The following UNC79 variants were observed in gnomAD, a reference collection of about 807,000 sequenced individuals.
UNC79 encodes the protein protein unc-79 homolog.
Under a neutral mutation model 283.1 loss-of-function variants are expected in UNC79, and 37 were observed. That is an observed-to-expected ratio of 0.13 (90% CI 0.10 to 0.17). UNC79 has a LOEUF of 0.17. Among genes scored for constraint, UNC79 ranks in the 10% least tolerant of loss-of-function variants. The pLI is 1.00. For missense variants in UNC79, 2,272 were observed against 3,211.1 expected, an observed-to-expected ratio of 0.71 and a Z score of 7.07; for synonymous variants, 1,107 against 1,200.2, an observed-to-expected ratio of 0.92 and a Z score of 1.61.
chr14:93,445,190 A>C (rs2056427681), intron 1 of UNC79, among the ~76,000 whole-genome samples: 1 of 152,218 alleles, frequency 6.6e-6, no homozygotes, highest in African/African-American at 2.4e-5. Context: ...AGTAGTTTAA[A>C]AAAAGAAAAA....
At chr14:93,660,563 A>ATGTGTGTGTGTG (rs1555394962) in intron 39 of UNC79, among the ~76,000 whole-genome samples, 26 of 64,768 alleles carry the variant, frequency 4.0e-4, no homozygotes, top group African/African-American at 5.7e-4. Flanking sequence ...ATATATATAT[A>ATGTGTGTGTGTG]TGTGTGTGTG....
chr14:93,655,735 T>C (rs2070865251), intron 38 of UNC79, among the ~76,000 whole-genome samples: 1 of 151,344 alleles, frequency 6.6e-6, no homozygotes, highest in Non-Finnish European at 1.5e-5. Context: ...ATTAAATAAG[T>C]AAGTAAATAG....
chr14:93,573,799 G>T (rs1339764292), intron 16 of UNC79, among the ~76,000 whole-genome samples: 1 of 152,220 alleles, frequency 6.6e-6, no homozygotes, highest in African/African-American at 2.4e-5. Context: ...TTGCTCAGGA[G>T]TTCAAGACCA....
At position 93,688,967 on chromosome 14, in the gene UNC79, A is replaced by G; in HGVS notation, c.7085+127A>G. The G allele has an allele frequency of 9.3e-7, 1 of 1,075,608 alleles. No individual in the cohort carries two copies. The highest frequency in any genetic ancestry group is 2.3e-5 in the South Asian group (1 of 43,522). The allele number at this position is 1,075,608 out of a possible 1,614,324, so 66.6% of individuals were successfully genotyped here. On this transcript the variant is annotated intron_variant, in intron 44 of 48. Transcript: ENST00000555664. The surrounding 1 kb of genome is among the most constrained non-coding windows in gnomAD (Gnocchi z 4.0). ...GACAGTGGAATATACTTGGTTAGGA[A>G]GATGGAAATCAGATCCCATCTCCTT...
intron 1 of UNC79, chr14:93,347,275 C>G: frequency 1.2e-6 from 2 of 1,604,610 alleles, no homozygotes; most frequent in Middle Eastern, 1.7e-4. Context: ...CGATATGCCT[C>G]TCCTGCGTGG....
chr14:93,354,351 TAGG>T (rs1167003326), intron 1 of UNC79, among the ~76,000 whole-genome samples: 1 of 152,228 alleles, frequency 6.6e-6, no homozygotes, highest in Non-Finnish European at 1.5e-5. Context: ...ATCTGAAACT[TAGG>T]AGTGCTGACA....
intron 11 of UNC79, 61 bp downstream of exon 11, chr14:93,532,639 T>G: frequency 1.3e-6 from 2 of 1,596,392 alleles, no homozygotes; most frequent in Non-Finnish European, 1.7e-6. Flanking sequence ...GTAAATTCAT[T>G]TATTGACATC....
intron 47 of UNC79, among the ~76,000 whole-genome samples, chr14:93,700,217 G>A (rs999726042): frequency 1.3e-5 from 2 of 151,800 alleles, no homozygotes; most frequent in Admixed American, 1.3e-4. Flanking sequence ...TGCCACTATG[G>A]TTAAGCAATT....
intron 41 of UNC79, among the ~76,000 whole-genome samples, chr14:93,674,299 G>A (rs1208346426): frequency 6.6e-6 from 1 of 152,160 alleles, no homozygotes; most frequent in Non-Finnish European, 1.5e-5. Context: ...TGGGATTAGG[G>A]TTCAGCATAG....
intron 41 of UNC79, among the ~76,000 whole-genome samples, chr14:93,681,045 A>G (rs1193564665): frequency 6.6e-6 from 1 of 152,240 alleles, no homozygotes; most frequent in Non-Finnish European, 1.5e-5. Context: ...CAGACATAGC[A>G]AACCTGGATA....
intron 1 of UNC79, among the ~76,000 whole-genome samples, chr14:93,402,590 T>C (rs955119472): frequency 6.6e-6 from 1 of 151,818 alleles, no homozygotes; most frequent in African/African-American, 2.4e-5. Flanking sequence ...AGACAATCAG[T>C]GAATTGAGAG....
chr14:93,612,820 A>C lies in UNC79; in HGVS notation c.3778A>C (p.Asn1260His), dbSNP rs201917310. Residue 1260 changes from asparagine (N) to histidine (H), a missense_variant, in exon 27 of 49, where the codon AAC (asparagine) becomes CAC (histidine). Physicochemically the swap from Asn to His is moderately conservative, Grantham distance 68. This residue lies in a region of UNC79 where 29 missense variants were observed against 19.2 expected (regional missense o/e 1.51). Transcript: ENST00000555664. ...AGGACAACAATCTCCTGAGAATGAC[A>C]ACACCATCAAGGACCTGCTCCCAGA... is the stretch of plus-strand genomic sequence containing the variant. 96 of 1,613,862 alleles carry C rather than the reference A, an allele frequency of 5.9e-5. No individual in the cohort carries two copies. The highest frequency in any genetic ancestry group is 3.3e-4 in the Middle Eastern group (2 of 6,078).
At position 93,540,134 on chromosome 14, in the gene UNC79, A is replaced by G. The variant is rs118101750; in HGVS notation, c.1353-526A>G. On this transcript the variant is annotated intron_variant, in intron 12 of 48. Transcript: ENST00000555664. ...GATTTACAATGCCAACACCATGTAT[A>G]AAACTTACCAATACTGAGTGTTGCT... Among the ~76,000 whole-genome samples the G allele has an allele frequency of 3.5e-3, 528 of 152,370 alleles. 11 individuals carry two copies. In the South Asian group the frequency reaches 0.053, roughly 15 times the overall value.
chr14:93,704,956 C>T lies in UNC79; in HGVS notation c.7590+290C>T, dbSNP rs998164512. Among the ~76,000 whole-genome samples, 9 of 152,154 alleles carry T rather than the reference C, an allele frequency of 5.9e-5. No homozygotes were observed. In the South Asian group the frequency reaches 1.7e-3, roughly 28 times the overall value. On this transcript the variant is annotated intron_variant, in intron 48 of 48. Coordinates refer to ENST00000555664, the Ensembl canonical transcript of UNC79. ...CACTGATGAGAGTACAGGCCGAGGC[C>T]GGGTGCAATGGCTTCTGTCTGTAAT...
chr14:93,392,616 T>TTG (rs1370987262), intron 1 of UNC79, among the ~76,000 whole-genome samples: 1 of 152,188 alleles, frequency 6.6e-6, no homozygotes, highest in African/African-American at 2.4e-5. Context: ...AGAAGTGTTT[T>TTG]TTTTCTGCCC....
intron 1 of UNC79, among the ~76,000 whole-genome samples, chr14:93,346,864 C>T (rs906972787): frequency 2.0e-5 from 3 of 151,736 alleles, no homozygotes; most frequent in Admixed American, 6.6e-5. Context: ...GGATAGGACA[C>T]GTGGGTGGAA....
intron 32 of UNC79, among the ~76,000 whole-genome samples, chr14:93,640,547 C>T (rs1230841327): frequency 6.6e-6 from 1 of 152,152 alleles, no homozygotes; most frequent in African/African-American, 2.4e-5. Context: ...AGGATTGCTT[C>T]AGCCTGGGAG....
In UNC79 at chr14:93,414,317, G is replaced by C. The variant is rs552613878; in HGVS notation, c.-350-53354G>C. Among the ~76,000 whole-genome samples, 442 of 152,264 alleles carry C rather than the reference G, an allele frequency of 2.9e-3. 2 individuals carry two copies. Among genetic ancestry groups the C allele is most frequent in the African/African-American group, 0.01 (418 of 41,554 alleles). ...CCCATTTCTTGTTTTTCTCAGGTTT[G>C]TCAAAGATCAGATAGTTGTAGATAT... is the stretch of plus-strand genomic sequence containing the variant. On this transcript the variant is annotated intron_variant, in intron 1 of 49. Coordinates refer to the UNC79 transcript ENST00000256339.
chr14:93,381,934 G>C (rs1291021828), intron 1 of UNC79, among the ~76,000 whole-genome samples: 1 of 152,176 alleles, frequency 6.6e-6, no homozygotes, highest in African/African-American at 2.4e-5. Context: ...GGAAAGCCAA[G>C]TGTGAACTAG....
Sources: allele counts gnomAD v4.1 joint callset (sites outside exome capture counted in the v4.1 genomes callset), GRCh38; gene constraint gnomAD v4.1.1; regional missense constraint gnomAD v4.1.1; non-coding constraint Gnocchi (gnomAD v3.1); transcripts MANE v1.5; gene names NCBI Gene and HGNC (gene_info 2026-07-23, HGNC 2026-07-21).